PIK3R4: variants seen among roughly 807,000 people sequenced by gnomAD.
PIK3R4 encodes the protein phosphoinositide-3-kinase regulatory subunit 4, also known as phosphoinositide 3-kinase regulatory subunit 4.
PIK3R4 carries 46 observed loss-of-function variants against 136.5 expected under a neutral mutation model. The observed-to-expected ratio is 0.34, with a 90% CI of 0.27 to 0.43. PIK3R4 has a LOEUF of 0.43. Ranked by LOEUF, PIK3R4 falls within the 20% of genes least tolerant of loss-of-function variation. The pLI is 1.00. For missense variants in PIK3R4, 1,331 were observed against 1,649.5 expected (o/e 0.81, Z 3.35); for synonymous variants, 557 against 566.7 (o/e 0.98, Z 0.24).
At chr3:130,693,819 T>C (rs1017898525) in intron 13 of PIK3R4, among the ~76,000 whole-genome samples, 1 of 152,176 alleles carries the variant, frequency 6.6e-6, no homozygotes, top group Admixed American at 6.5e-5. Flanking sequence ...GTTACTTGTG[T>C]TTTTCACGTA....
chr3:130,742,452 A>C (rs1466423699), intron 2 of PIK3R4, among the ~76,000 whole-genome samples: 1 of 152,264 alleles, frequency 6.6e-6, no homozygotes, highest in Non-Finnish European at 1.5e-5. Context: ...TGAGTTTAAA[A>C]TGTAAAAATG....
In PIK3R4 at chr3:130,723,466, G is replaced by T; in HGVS notation, c.1929C>A (p.Cys643Ter). 2 of 1,613,266 alleles carry T rather than the reference G, an allele frequency of 1.2e-6. No individual in the cohort carries two copies. Among genetic ancestry groups the T allele is most frequent in the Non-Finnish European group, 1.7e-6 (2 of 1,179,538 alleles). ...VKALYALTCMCQLGLLQKPHV... is the reference protein window; with the variant it reads ...VKALYALTCM ...GGGGTTTTTGTAGCAGTCCTAACTG[G>T]CACATACAAGTAAGGGCATAAAGAG... Residue 643 changes from cysteine to a stop codon, truncating the protein, a stop_gained, in exon 7 of 20, where the codon TGC (cysteine) becomes TGA (stop). Coordinates refer to ENST00000356763, the MANE Select transcript of PIK3R4 (RefSeq NM_014602.3). LOFTEE classifies it high-confidence loss of function.
At chr3:130,716,359 C>A (rs951276457) in intron 9 of PIK3R4, 37 bp downstream of exon 9, 1 of 1,498,746 alleles carries the variant, frequency 6.7e-7, no homozygotes, top group Admixed American at 1.8e-5. Flanking sequence ...TTATGAAATT[C>A]GCATTTAAAT....
At chr3:130,684,868 C>G (rs1559819289) in intron 15 of PIK3R4, among the ~76,000 whole-genome samples, 1 of 152,140 alleles carries the variant, frequency 6.6e-6, no homozygotes, top group Non-Finnish European at 1.5e-5. Context: ...ATTCTATAGA[C>G]AGGTATGTTA....
chr3:130,681,571 C>T lies in PIK3R4; in HGVS notation c.3628G>A (p.Val1210Met), dbSNP rs764683769. The T allele has an allele frequency of 3.1e-6, 5 of 1,610,226 alleles. No homozygotes were observed. In the East Asian group the frequency reaches 1.1e-4, roughly 36 times the overall value. Residue 1210 changes from valine (V) to methionine (M), a missense_variant, in exon 17 of 20, where the codon GTG becomes ATG. Coordinates refer to ENST00000356763, the MANE Select transcript of PIK3R4 (RefSeq NM_014602.3). ...VIAAVQGNNE[V>M]SMWDMETGDR... The stretch of plus-strand genomic sequence containing the variant: ...CCAGTCTCCATGTCCCACATGGACA[C>T]TTCGTTGTTGCCCTGAACAGCTAAA...
chr3:130,741,516 G>A (rs549364781), intron 2 of PIK3R4, among the ~76,000 whole-genome samples: 1 of 152,240 alleles, frequency 6.6e-6, no homozygotes, highest in South Asian at 2.1e-4. Context: ...GTTATTGGGT[G>A]GTATTTCCCT....
chr3:130,698,644 T>C (rs769946283), intron 13 of PIK3R4, among the ~76,000 whole-genome samples: 2 of 152,228 alleles, frequency 1.3e-5, no homozygotes, highest in African/African-American at 2.4e-5. Context: ...ATATTTTTAA[T>C]AGCTGATTTA....
intron 9 of PIK3R4, among the ~76,000 whole-genome samples, chr3:130,710,687 AATT>A (rs2107610086): frequency 6.6e-6 from 1 of 152,304 alleles, no homozygotes; most frequent in African/African-American, 2.4e-5. Flanking sequence ...ATGTTTAGCA[AATT>A]ATTATAATTA....
chr3:130,743,283 G>A (rs574834748), intron 2 of PIK3R4, among the ~76,000 whole-genome samples: 2 of 152,046 alleles, frequency 1.3e-5, no homozygotes, highest in Middle Eastern at 3.4e-3. Flanking sequence ...ACTGGGTGTG[G>A]TGGTGCACGC....
chr3:130,710,986 C>A (rs2066629675), intron 9 of PIK3R4, among the ~76,000 whole-genome samples: 2 of 141,762 alleles, frequency 1.4e-5, no homozygotes, highest in African/African-American at 2.6e-5. Context: ...TGTTAAGAAC[C>A]AAGGATAGCC....
intron 14 of PIK3R4, among the ~76,000 whole-genome samples, chr3:130,689,940 AACC>A (rs746305249): frequency 6.6e-6 from 1 of 152,262 alleles, no homozygotes; most frequent in Non-Finnish European, 1.5e-5. Flanking sequence ...ATCTGCAAGC[AACC>A]ACAATTTATA....
At chr3:130,718,307 A>C in intron 8 of PIK3R4, 82 bp downstream of exon 8, 2 of 1,207,560 alleles carry the variant, frequency 1.7e-6, no homozygotes, top group South Asian at 2.8e-5. Context: ...AAAAATGTTA[A>C]GAAAAATAGG....
chr3:130,680,394 C>T, intron 19 of PIK3R4: 1 of 327,400 alleles, frequency 3.1e-6, no homozygotes, highest in South Asian at 4.6e-5. Flanking sequence ...TTATAAAGTA[C>T]ATACTGGTCA....
In PIK3R4 at chr3:130,705,720, T is replaced by C; in HGVS notation, c.2773A>G (p.Ser925Gly). The C allele has an allele frequency of 6.2e-7, 1 of 1,612,668 alleles. No individual in the cohort carries two copies. Among genetic ancestry groups the C allele is most frequent in the Non-Finnish European group, 8.5e-7 (1 of 1,178,694 alleles). ...TAGGTGGATGGTAAGATTGTACTAC[T>C]TAAAACCGGTATTACTGGTTTTTTA... ...QNKKPVIPVL[S>G]STILPSTYQI... Residue 925 changes from serine to glycine, a missense_variant, in exon 12 of 20, where the codon AGT becomes GGT. This residue lies in a region of PIK3R4 where 1,180 missense variants were observed against 1,407.0 expected (regional missense o/e 0.84). Transcript: ENST00000356763.
intron 7 of PIK3R4, among the ~76,000 whole-genome samples, chr3:130,721,825 G>A (rs2066702729): frequency 6.6e-6 from 1 of 152,118 alleles, no homozygotes; most frequent in Non-Finnish European, 1.5e-5. Flanking sequence ...TACAGTATGT[G>A]CAAGTACAGC....
At chr3:130,737,458 G>A (rs889839068) in intron 2 of PIK3R4, among the ~76,000 whole-genome samples, 1 of 152,140 alleles carries the variant, frequency 6.6e-6, no homozygotes, top group Non-Finnish European at 1.5e-5. Flanking sequence ...TCAGGAGTTC[G>A]AGACCAGCCT....
rs1463310363 is a variant in PIK3R4, at chr3:130,716,644, A to C, written c.2128-45T>G. On this transcript the variant is annotated intron_variant, in intron 8 of 19. Coordinates refer to ENST00000356763, the MANE Select transcript of PIK3R4 (RefSeq NM_014602.3). ...AGGATCAGCCAAAAATATAACATGT[A>C]CAGTTATTTTCAAATTCAATAAATA... 3 of 1,167,394 alleles carry C rather than the reference A, an allele frequency of 2.6e-6. No individual in the cohort carries two copies. In the Admixed American group the frequency reaches 7.3e-5, roughly 29 times the overall value. 72.3% of individuals were successfully genotyped at this position (1,167,394 alleles called of 1,614,324 possible).
At chr3:130,727,397 G>A (rs2107617196) in intron 6 of PIK3R4, among the ~76,000 whole-genome samples, 1 of 152,168 alleles carries the variant, frequency 6.6e-6, no homozygotes, top group Non-Finnish European at 1.5e-5. Context: ...CTGATTTTTT[G>A]TATTTTTAGT....
At chr3:130,740,499 G>A (rs1052039029) in intron 2 of PIK3R4, among the ~76,000 whole-genome samples, 1 of 152,128 alleles carries the variant, frequency 6.6e-6, no homozygotes, top group African/African-American at 2.4e-5. Context: ...CACTCAGGGA[G>A]GCCAAGGGGG....
Sources: gnomAD v4.1 joint callset for allele counts (sites outside exome capture counted in the v4.1 genomes callset) on GRCh38, gnomAD v4.1.1 for gene constraint, gnomAD v4.1.1 regional missense constraint, MANE v1.5 for transcripts, NCBI Gene and HGNC (gene_info 2026-07-23, HGNC 2026-07-21) for gene names.